The following PLXNA4 variants were observed in gnomAD, a reference collection of about 807,000 sequenced individuals.
PLXNA4 encodes plexin A4.
Under a neutral mutation model 191.8 loss-of-function variants are expected in PLXNA4, and 44 were observed. That is an observed-to-expected ratio of 0.23 (90% CI 0.18 to 0.29). PLXNA4 has a LOEUF of 0.29. Among genes scored for constraint, PLXNA4 ranks in the 10% least tolerant of loss-of-function variants. The pLI is 1.00. For missense variants in PLXNA4, 1,800 were observed against 2,488.8 expected, an observed-to-expected ratio of 0.72 and a Z score of 5.89; for synonymous variants, 1,082 against 1,009.5, an observed-to-expected ratio of 1.07 and a Z score of -1.36.
At chr7:132,356,430 G>A (rs1803709497) in intron 3 of PLXNA4, among the ~76,000 whole-genome samples, 1 of 152,180 alleles carries the variant, frequency 6.6e-6, no homozygotes, top group Non-Finnish European at 1.5e-5. Context: ...GGTCAATGCT[G>A]TTGTTAAAAA....
chr7:132,567,239 T>C (rs979510337), intron 1 of PLXNA4, among the ~76,000 whole-genome samples: 20 of 152,170 alleles, frequency 1.3e-4, no homozygotes, highest in African/African-American at 4.8e-4. Context: ...GCTCTTTCCA[T>C]GGAGGATTTT....
chr7:132,342,816 G>A (rs921122101), intron 3 of PLXNA4, among the ~76,000 whole-genome samples: 1 of 151,910 alleles, frequency 6.6e-6, no homozygotes, highest in Non-Finnish European at 1.5e-5. Context: ...GCATGGTGCT[G>A]GGCACCTGTA....
intron 1 of PLXNA4, among the ~76,000 whole-genome samples, chr7:132,526,982 A>C (rs1799424676): frequency 6.6e-6 from 1 of 152,152 alleles, no homozygotes; most frequent in Non-Finnish European, 1.5e-5. Context: ...TGGAAACCCC[A>C]TTGACTTGTT....
chr7:132,187,182 C>A (rs571300002), intron 15 of PLXNA4, among the ~76,000 whole-genome samples: 15 of 152,216 alleles, frequency 9.9e-5, no homozygotes, highest in African/African-American at 3.1e-4. Flanking sequence ...TAACCCCCCG[C>A]CTGCCAAATT....
At chr7:132,131,952 T>A (rs1794941130) in intron 31 of PLXNA4, among the ~76,000 whole-genome samples, 1 of 152,002 alleles carries the variant, frequency 6.6e-6, no homozygotes, top group Non-Finnish European at 1.5e-5. Context: ...TAACTGGGGG[T>A]TCCTGGACTC....
intron 3 of PLXNA4, among the ~76,000 whole-genome samples, chr7:132,440,795 A>T (rs1176932350): frequency 1.3e-5 from 2 of 152,222 alleles, no homozygotes; most frequent in African/African-American, 4.8e-5. Flanking sequence ...AAATGTTTTT[A>T]AAAATTGCAT....
At chr7:132,421,084 T>C (rs910437552) in intron 3 of PLXNA4, among the ~76,000 whole-genome samples, 6 of 152,226 alleles carry the variant, frequency 3.9e-5, no homozygotes, top group African/African-American at 1.4e-4. Context: ...CCTGCTAAAC[T>C]CTATGATCCT....
intron 1 of PLXNA4, among the ~76,000 whole-genome samples, chr7:132,544,345 T>G (rs2116523965): frequency 6.6e-6 from 1 of 152,336 alleles, no homozygotes; most frequent in East Asian, 1.9e-4. Context: ...GGACAACCTC[T>G]TGGAGAGTCA....
chr7:132,362,798 G>A (rs535343792), intron 3 of PLXNA4, among the ~76,000 whole-genome samples: 1 of 152,098 alleles, frequency 6.6e-6, no homozygotes, highest in East Asian at 1.9e-4. Context: ...AATAACAACA[G>A]GAAAACTAAT....
intron 14 of PLXNA4, among the ~76,000 whole-genome samples, chr7:132,191,940 T>C (rs1797105058): frequency 6.6e-6 from 1 of 152,126 alleles, no homozygotes; most frequent in Non-Finnish European, 1.5e-5. Flanking sequence ...AATTCCCTCA[T>C]GCTTTCAGGA....
At chr7:132,455,350 G>A (rs1453625236) in intron 3 of PLXNA4, among the ~76,000 whole-genome samples, 1 of 152,092 alleles carries the variant, frequency 6.6e-6, no homozygotes, top group Non-Finnish European at 1.5e-5. Context: ...CAGAGGGAAT[G>A]ACAGAGAGGA....
intron 3 of PLXNA4, among the ~76,000 whole-genome samples, chr7:132,433,007 A>G (rs1300500247): frequency 6.6e-6 from 1 of 152,176 alleles, no homozygotes; most frequent in Non-Finnish European, 1.5e-5. Context: ...TACATTGTGC[A>G]TTACAGTGGC....
At chr7:132,487,805 G>A (rs1297211362) in intron 3 of PLXNA4, among the ~76,000 whole-genome samples, 2 of 152,074 alleles carry the variant, frequency 1.3e-5, no homozygotes, top group Non-Finnish European at 1.5e-5. Flanking sequence ...GTCTTCCCTG[G>A]GCATCCACAA....
rs531242282 is a variant in PLXNA4 at position 132,623,217 on chromosome 7, G to A, written c.-87+22711C>T. ...AAAAATTAGCCGGGCGTGGCAGCAC[G>A]TGCCTGTAATCCCAGGTACTCGGGA... On this transcript the variant is annotated intron_variant, in intron 2 of 4. Transcript: ENST00000378539. 5.5e-3 allele frequency among the ~76,000 whole-genome samples: 829 copies of A among 152,062 alleles called. 7 individuals are homozygous for A. Among genetic ancestry groups the A allele is most frequent in the Middle Eastern group, 0.027 (8 of 294 alleles).
intron 2 of PLXNA4, among the ~76,000 whole-genome samples, chr7:132,620,412 A>G (rs1029635777): frequency 3.3e-5 from 5 of 152,198 alleles, no homozygotes; most frequent in African/African-American, 1.2e-4. Flanking sequence ...TTGAGTTTTT[A>G]AATTTATTTT....
intron 1 of PLXNA4, among the ~76,000 whole-genome samples, chr7:132,554,686 C>T (rs1585325396): frequency 6.6e-6 from 1 of 152,288 alleles, no homozygotes; most frequent in African/African-American, 2.4e-5. Context: ...AGGAGAATCC[C>T]AGAGGCCCTT....
chr7:132,595,503 A>C (rs1802692292), intron 2 of PLXNA4, among the ~76,000 whole-genome samples: 1 of 152,188 alleles, frequency 6.6e-6, no homozygotes, highest in Admixed American at 6.5e-5. Context: ...GTGGATCACC[A>C]ATGAGTGCTC....
intron 9 of PLXNA4, among the ~76,000 whole-genome samples, chr7:132,218,681 T>G (rs1798047241): frequency 6.6e-6 from 1 of 152,174 alleles, no homozygotes; most frequent in Non-Finnish European, 1.5e-5. Context: ...TGGGGACCAG[T>G]GGCTGCTCCT....
chr7:132,211,930 G>A (rs1416388722), intron 9 of PLXNA4, among the ~76,000 whole-genome samples: 1 of 152,208 alleles, frequency 6.6e-6, no homozygotes, highest in Non-Finnish European at 1.5e-5. Context: ...AAGGAGGTCA[G>A]AAGAAGGAGG....
Sources: allele counts gnomAD v4.1 joint callset (sites outside exome capture counted in the v4.1 genomes callset), GRCh38; gene constraint gnomAD v4.1.1; transcripts MANE v1.5; gene names NCBI Gene and HGNC (gene_info 2026-07-23, HGNC 2026-07-21).